ACVR2B: variants seen among roughly 807,000 people sequenced by gnomAD.
ACVR2B encodes the protein activin A receptor type 2B, also known as activin receptor type-2B.
Under a neutral mutation model 65.1 loss-of-function variants are expected in ACVR2B, and 18 were observed. The ratio of observed to expected loss-of-function variants is 0.28; its 90% CI spans 0.19 to 0.41. The LOEUF (loss-of-function observed/expected upper bound fraction) is 0.41, where lower values mean the gene tolerates loss of function less well. Among genes scored for constraint, ACVR2B ranks in the 10% least tolerant of loss-of-function variants. The pLI, the probability that ACVR2B is intolerant of heterozygous loss-of-function variation, is 1.00. For missense variants in ACVR2B, 482 were observed against 682.7 expected (o/e 0.71, Z 3.28); for synonymous variants, 298 against 277.7 (o/e 1.07, Z -0.73).
chr3:38,458,392 T>C (rs1034796004), intron 1 of ACVR2B, among the ~76,000 whole-genome samples: 2 of 152,226 alleles, frequency 1.3e-5, no homozygotes, highest in African/African-American at 4.8e-5. Context: ...CCACTCTGTT[T>C]TGTACAGATA....
intron 1 of ACVR2B, among the ~76,000 whole-genome samples, chr3:38,471,617 G>T (rs980347894): frequency 1.3e-4 from 20 of 152,158 alleles, no homozygotes; most frequent in African/African-American, 4.6e-4. Context: ...GTTATGTGAG[G>T]TTATAAGCTT....
intron 1 of ACVR2B, among the ~76,000 whole-genome samples, chr3:38,465,124 C>T (rs1273689385): frequency 3.3e-5 from 5 of 151,878 alleles, no homozygotes; most frequent in South Asian, 2.1e-4. Context: ...TCGGGCTGGG[C>T]GCAGTGGCTC....
intron 1 of ACVR2B, among the ~76,000 whole-genome samples, chr3:38,471,233 T>C (rs1413857455): frequency 1.3e-5 from 2 of 151,998 alleles, no homozygotes; most frequent in East Asian, 1.9e-4. Flanking sequence ...GGAAAAGTAA[T>C]CCAGTAGAAA....
At chr3:38,480,419 A>G (rs1709998127) in intron 7 of ACVR2B, among the ~76,000 whole-genome samples, 1 of 152,238 alleles carries the variant, frequency 6.6e-6, no homozygotes, top group South Asian at 2.1e-4. Context: ...AGTGCTCTAA[A>G]CACTTGAGAA....
In ACVR2B at chr3:38,489,489, G is replaced by A. The variant is rs62239943; in HGVS notation, c.*6157G>A. ...CACTGGCAGACTGGAGTCAATTTGCGGGTCTTTTTTGGCCAAAACTCCACT... is the reference window on the plus strand; with the variant it reads ...CACTGGCAGACTGGAGTCAATTTGCAGGTCTTTTTTGGCCAAAACTCCACT... On this transcript the variant is annotated 3_prime_UTR_variant, in exon 11 of 11. Coordinates refer to ENST00000352511, the MANE Select transcript of ACVR2B (RefSeq NM_001106.4). The A allele has an allele frequency of 1.5e-3, 229 of 152,614 alleles. 1 individual carries two copies. Among genetic ancestry groups the A allele is most frequent in the Admixed American group, 4.4e-3 (67 of 15,288 alleles). 9.5% of individuals were successfully genotyped at this position (152,614 alleles called of 1,614,324 possible).
In ACVR2B at chr3:38,478,528, T is replaced by C. The variant is rs1575587974; in HGVS notation, c.666+10T>C. The C allele has an allele frequency of 1.9e-6, 3 of 1,614,064 alleles. No individual in the cohort carries two copies. Among genetic ancestry groups the C allele is most frequent in the Non-Finnish European group, 2.5e-6 (3 of 1,180,000 alleles). ...GATCTTCCCACTCCAGGTGAGTGTT[T>C]GAGGGGCTCCATCCAGGTCCTCTGC... On this transcript the variant is annotated intron_variant, in intron 5 of 10. Transcript: ENST00000352511.
At position 38,454,130 on chromosome 3, in the gene ACVR2B, A is replaced by G. The variant is rs2125710197; in HGVS notation, c.-193A>G. ...GCCTGCGCCGCCCGCAGCGGCCCTG[A>G]GCCCGGCCCCGCCGACCGGCCCTTG... On this transcript the variant is annotated 5_prime_UTR_variant, in exon 1 of 11. The change abolishes the stop of an existing upstream ORF in the 5' untranslated region. Coordinates refer to ENST00000352511, the MANE Select transcript of ACVR2B (RefSeq NM_001106.4). 4.3e-6 allele frequency: 1 copy of G among 232,810 alleles called. No homozygotes were observed. Among genetic ancestry groups the G allele is most frequent in the Non-Finnish European group, 7.3e-6 (1 of 136,266 alleles). 14.4% of individuals were successfully genotyped at this position (232,810 alleles called of 1,614,324 possible). A position where few individuals can be genotyped will look rare whatever the true frequency, so the allele number is the denominator to read the frequency against.
chr3:38,472,184 C>G (rs1709829601), intron 1 of ACVR2B, among the ~76,000 whole-genome samples: 2 of 152,266 alleles, frequency 1.3e-5, no homozygotes, highest in South Asian at 4.2e-4. Context: ...CCCAGCTGCC[C>G]TTACTCTGCT....
In ACVR2B at chr3:38,493,037, T is replaced by A. The variant is rs960320681; in HGVS notation, c.*9705T>A. ...ATAAACCGATGTGAATGTAGTTTTT[T>A]CCCCCTGTGTGAAGAAGCAGTTACA... On this transcript the variant is annotated 3_prime_UTR_variant, in exon 11 of 11. Coordinates refer to ENST00000352511, the MANE Select transcript of ACVR2B (RefSeq NM_001106.4). 6.6e-5 allele frequency: 10 copies of A among 152,460 alleles called. No individual in the cohort carries two copies. The highest frequency in any genetic ancestry group is 2.2e-4 in the African/African-American group (9 of 41,382). 9.4% of individuals were successfully genotyped at this position (152,460 alleles called of 1,614,324 possible).
chr3:38,457,125 A>C (rs1709563190), intron 1 of ACVR2B, among the ~76,000 whole-genome samples: 1 of 152,090 alleles, frequency 6.6e-6, no homozygotes, highest in Admixed American at 6.6e-5. Flanking sequence ...AATGGCATGA[A>C]CCCGGGAGGT....
At chr3:38,459,765 G>A in intron 1 of ACVR2B, 1 of 770,294 alleles carries the variant, frequency 1.3e-6, no homozygotes, top group Non-Finnish European at 1.6e-6. Context: ...TTCCTGCTGT[G>A]GACCTGGGGA....
At position 38,489,719 on chromosome 3, in the gene ACVR2B, C is replaced by T. The variant is rs890651693; in HGVS notation, c.*6387C>T. 2 of 152,384 alleles carry T rather than the reference C, an allele frequency of 1.3e-5. No homozygotes were observed. The highest frequency in any genetic ancestry group is 1.9e-4 in the East Asian group (1 of 5,192). The allele number at this position is 152,384 out of a possible 1,614,324, so 9.4% of individuals were successfully genotyped here. The stretch of plus-strand genomic sequence containing the variant: ...GGGAACAGAAATTGTATAGGGGTGC[C>T]TATTGGGGTGGGATGGGACTCGAAT... On this transcript the variant is annotated 3_prime_UTR_variant, in exon 11 of 11. Transcript: ENST00000352511.
intron 1 of ACVR2B, among the ~76,000 whole-genome samples, chr3:38,458,303 T>G (rs1254294821): frequency 1.9e-4 from 29 of 152,324 alleles, no homozygotes. Flanking sequence ...CCTCTGAGAA[T>G]CTGATGAAAG....
chr3:38,482,234 G>A lies in ACVR2B; in HGVS notation c.1111G>A (p.Glu371Lys). The change falls in exon 9 of 11, where the codon GAG becomes AAG. Residue 371 changes from glutamate (E) to lysine (K), a missense_variant. Around this residue, in one of 5 missense-constraint regions of ACVR2B, gnomAD observed 223 missense variants for 386.3 expected, o/e 0.58. Transcript: ENST00000352511. The stretch of plus-strand genomic sequence containing the variant: ...ACGGTACATGGCTCCTGAGGTGCTC[G>A]AGGGAGCCATCAACTTCCAGAGAGA... ...TRRYMAPEVLEGAINFQRDAF... is the reference protein window; with the variant it reads ...TRRYMAPEVLKGAINFQRDAF... The A allele has an allele frequency of 1.2e-6, 2 of 1,613,562 alleles. No homozygotes were observed. The highest frequency in any genetic ancestry group is 1.7e-6 in the Non-Finnish European group (2 of 1,179,934).
intron 1 of ACVR2B, among the ~76,000 whole-genome samples, chr3:38,463,349 T>G (rs1035465868): frequency 1.3e-5 from 2 of 152,210 alleles, no homozygotes; most frequent in Admixed American, 6.5e-5. Flanking sequence ...TGTGACAAAT[T>G]CTGATTTCAT....
chr3:38,480,348 G>A (rs1399547590), intron 7 of ACVR2B, among the ~76,000 whole-genome samples: 1 of 152,110 alleles, frequency 6.6e-6, no homozygotes, highest in Admixed American at 6.5e-5. Context: ...TGGGGTCCTC[G>A]AACCACCCTT....
chr3:38,454,245 C>T lies in ACVR2B; in HGVS notation c.-78C>T. On this transcript the variant is annotated 5_prime_UTR_variant, in exon 1 of 11. Coordinates refer to ENST00000352511, the MANE Select transcript of ACVR2B (RefSeq NM_001106.4). ...AGCGGGAAGGAGAGCGCAGCCGCCG[C>T]CTGGCCCTGCGCGCCCCGGGAGCGC... 1 of 1,074,408 alleles carries T rather than the reference C, an allele frequency of 9.3e-7. No individual in the cohort carries two copies. The highest frequency in any genetic ancestry group is 4.7e-5 in the Admixed American group (1 of 21,148). 66.6% of individuals were successfully genotyped at this position (1,074,408 alleles called of 1,614,324 possible). A position where few individuals can be genotyped will look rare whatever the true frequency, so the allele number is the denominator to read the frequency against.
At chr3:38,459,769 C>G (rs1442985081) in intron 1 of ACVR2B, 4 of 746,668 alleles carry the variant, frequency 5.4e-6, no homozygotes, top group Non-Finnish European at 6.5e-6. Context: ...TGCTGTGGAC[C>G]TGGGGAGGTG....
chr3:38,454,217 A>C lies in ACVR2B; in HGVS notation c.-106A>C. The C allele has an allele frequency of 2.5e-6, 2 of 803,546 alleles. No homozygotes were observed. Among genetic ancestry groups the C allele is most frequent in the Non-Finnish European group, 3.2e-6 (2 of 623,714 alleles). 49.8% of individuals were successfully genotyped at this position (803,546 alleles called of 1,614,324 possible). ...GCGCGCAGGGAACGAGACCGAAGGA[A>C]GGAGCGGGAAGGAGAGCGCAGCCGC... On this transcript the variant is annotated 5_prime_UTR_variant, in exon 1 of 11. Coordinates refer to ENST00000352511, the MANE Select transcript of ACVR2B (RefSeq NM_001106.4).
Sources: allele counts gnomAD v4.1 joint callset (sites outside exome capture counted in the v4.1 genomes callset), GRCh38; gene constraint gnomAD v4.1.1; regional missense constraint gnomAD v4.1.1; transcripts MANE v1.5; gene names NCBI Gene and HGNC (gene_info 2026-07-23, HGNC 2026-07-21).